Variants in SULF1 observed in about 807,000 individuals in gnomAD.
SULF1 encodes the protein extracellular sulfatase Sulf-1.
In SULF1, 46 loss-of-function variants were observed where a neutral mutation model predicts 110.5. The observed-to-expected ratio is 0.42, with a 90% CI of 0.33 to 0.53. The LOEUF (loss-of-function observed/expected upper bound fraction) is 0.53, where lower values mean the gene tolerates loss of function less well. Among genes scored for constraint, SULF1 ranks in the 20% least tolerant of loss-of-function variants. The pLI, the probability that SULF1 is intolerant of heterozygous loss-of-function variation, is 0.12. For synonymous variants in SULF1, 371 were observed against 387.1 expected (o/e 0.96, Z 0.49); for missense variants, 941 against 1,094.2 (o/e 0.86, Z 1.98).
intron 19 of SULF1, 73 bp downstream of exon 19, chr8:69,629,752 T>A (rs1810376596): frequency 1.5e-6 from 2 of 1,326,082 alleles, no homozygotes; most frequent in South Asian, 2.9e-5. Flanking sequence ...GATCAGAAAT[T>A]CAGCATAAAA....
chr8:69,608,214 C>T, intron 13 of SULF1, among the ~76,000 whole-genome samples: 1 of 152,180 alleles, frequency 6.6e-6, no homozygotes, highest in East Asian at 1.9e-4. Context: ...CTCAGGTTTT[C>T]TATCTCTAAA....
chr8:69,517,918 C>T (rs535939013), intron 3 of SULF1, among the ~76,000 whole-genome samples: 20 of 152,104 alleles, frequency 1.3e-4, no homozygotes, highest in Middle Eastern at 3.4e-3. Flanking sequence ...ATAATAAATG[C>T]ACAAATAAAT....
intron 13 of SULF1, among the ~76,000 whole-genome samples, chr8:69,615,082 C>G: frequency 6.6e-6 from 1 of 152,216 alleles, no homozygotes; most frequent in Middle Eastern, 3.2e-3. Flanking sequence ...TGTGTTTCTG[C>G]AAGGGCACTT....
At chr8:69,632,597 C>A (rs1810662959) in intron 19 of SULF1, among the ~76,000 whole-genome samples, 1 of 152,088 alleles carries the variant, frequency 6.6e-6, no homozygotes, top group East Asian at 1.9e-4. Context: ...CAAATCCACC[C>A]AGGCACAAGA....
At chr8:69,616,998 A>G (rs974415425) in intron 13 of SULF1, among the ~76,000 whole-genome samples, 2 of 152,106 alleles carry the variant, frequency 1.3e-5, no homozygotes, top group African/African-American at 4.8e-5. Flanking sequence ...TTTAAATGCT[A>G]GAGGCAGAGA....
intron 8 of SULF1, among the ~76,000 whole-genome samples, chr8:69,592,038 G>A (rs1320761614): frequency 6.6e-6 from 1 of 152,210 alleles, no homozygotes; most frequent in Admixed American, 6.5e-5. Flanking sequence ...CGTTCGCAGG[G>A]CTGTGGAGCG....
intron 1 of SULF1, among the ~76,000 whole-genome samples, chr8:69,468,834 A>G (rs1311721996): frequency 8.5e-5 from 13 of 152,202 alleles, no homozygotes; most frequent in Admixed American, 8.5e-4. Context: ...CCTCCCTGAG[A>G]TGTGGCATGA....
chr8:69,475,763 A>T (rs1331512549), intron 1 of SULF1, among the ~76,000 whole-genome samples: 1 of 152,234 alleles, frequency 6.6e-6, no homozygotes, highest in Non-Finnish European at 1.5e-5. Context: ...TTAATAATAT[A>T]TGTGCTGCTG....
chr8:69,644,675 G>C (rs1811744607), intron 22 of SULF1, among the ~76,000 whole-genome samples: 1 of 151,230 alleles, frequency 6.6e-6, no homozygotes, highest in Admixed American at 6.6e-5. Context: ...GCAGGAGAAT[G>C]GCGTGAACCC....
intron 5 of SULF1, among the ~76,000 whole-genome samples, chr8:69,564,950 G>A (rs1041442968): frequency 6.6e-6 from 1 of 152,202 alleles, no homozygotes; most frequent in African/African-American, 2.4e-5. Flanking sequence ...GCATCACCCA[G>A]CTGTGCTTAG....
At chr8:69,603,723 T>G in intron 12 of SULF1, 67 bp downstream of exon 12, 2 of 1,083,342 alleles carry the variant, frequency 1.8e-6, no homozygotes, top group Middle Eastern at 2.0e-4. Flanking sequence ...TGCTGAGTAT[T>G]TTTTTTCTCC....
At chr8:69,489,228 C>A (rs73683918), upstream of SULF1, among the ~76,000 whole-genome samples, 2,133 of 152,296 alleles carry the variant, frequency 0.014, 39 homozygotes, top group African/African-American at 0.049. Flanking sequence ...AAGGTCTTTT[C>A]CACACCTATT....
chr8:69,581,341 G>A (rs1204053766), intron 6 of SULF1, among the ~76,000 whole-genome samples: 1 of 152,126 alleles, frequency 6.6e-6, no homozygotes, highest in Non-Finnish European at 1.5e-5. Context: ...CACTATTGCT[G>A]GCTTTAAAAG....
chr8:69,477,894 G>C (rs148745626), intron 1 of SULF1, among the ~76,000 whole-genome samples: 165 of 151,988 alleles, frequency 1.1e-3, no homozygotes, highest in African/African-American at 3.8e-3. Flanking sequence ...GTCTCGCTCT[G>C]TCACTCAGGC....
At chr8:69,608,714 A>G (rs1044218418) in intron 13 of SULF1, among the ~76,000 whole-genome samples, 7 of 152,110 alleles carry the variant, frequency 4.6e-5, no homozygotes, top group Admixed American at 1.3e-4. Flanking sequence ...TAAAAAGAAT[A>G]AAAATGGGCT....
intron 19 of SULF1, among the ~76,000 whole-genome samples, chr8:69,634,783 A>C (rs533823104): frequency 9.9e-4 from 150 of 152,160 alleles, no homozygotes; most frequent in Non-Finnish European, 1.8e-3. Flanking sequence ...AAAAGTTTTA[A>C]GTTGGAGAAC....
At chr8:69,500,750 C>G (rs1810737685) in intron 2 of SULF1, among the ~76,000 whole-genome samples, 2 of 152,066 alleles carry the variant, frequency 1.3e-5, no homozygotes, top group Non-Finnish European at 2.9e-5. Context: ...GATCTAGAGG[C>G]CTAATGGGTG....
chr8:69,534,864 G>T (rs990121476), intron 3 of SULF1, among the ~76,000 whole-genome samples: 39 of 129,234 alleles, frequency 3.0e-4, no homozygotes, highest in Non-Finnish European at 5.9e-4. Flanking sequence ...ATACTTAAAG[G>T]AAATTTAAAA....
intron 1 of SULF1, among the ~76,000 whole-genome samples, chr8:69,481,554 A>G (rs1388222920): frequency 6.6e-6 from 1 of 152,118 alleles, no homozygotes; most frequent in African/African-American, 2.4e-5. Flanking sequence ...AGATCACCCC[A>G]TCACCCAGGT....
Sources: gnomAD v4.1 joint callset for allele counts (sites outside exome capture counted in the v4.1 genomes callset) on GRCh38, gnomAD v4.1.1 for gene constraint, MANE v1.5 for transcripts, NCBI Gene and HGNC (gene_info 2026-07-23, HGNC 2026-07-21) for gene names.